The following GAS7 variants were observed in gnomAD, a reference collection of about 807,000 sequenced individuals.
GAS7 encodes the protein growth arrest-specific protein 7.
A neutral mutation model predicts 71.1 loss-of-function variants in GAS7; 28 were observed. The observed-to-expected ratio is 0.39, with a 90% CI of 0.29 to 0.54. The LOEUF (loss-of-function observed/expected upper bound fraction) is 0.54, where lower values mean the gene tolerates loss of function less well. GAS7 is among the 20% of genes least tolerant of loss of function. The pLI is 0.62. For missense variants in GAS7, 436 were observed against 627.8 expected (o/e 0.69, Z 3.27); for synonymous variants, 258 against 245.8 (o/e 1.05, Z -0.46).
intron 1 of GAS7, among the ~76,000 whole-genome samples, chr17:10,060,171 C>T (rs1046484392): frequency 5.3e-5 from 8 of 152,298 alleles, no homozygotes; most frequent in Middle Eastern, 6.8e-3. Context: ...CTTAAAGCGC[C>T]GAGGAGAAGC....
chr17:10,146,617 C>G (rs1464876248), intron 1 of GAS7, among the ~76,000 whole-genome samples: 1 of 152,190 alleles, frequency 6.6e-6, no homozygotes, highest in African/African-American at 2.4e-5. Flanking sequence ...CTGTGATGCT[C>G]TCTCAGCTTG....
Position 10,121,987 on chromosome 17 carries a change from C to T in GAS7, c.183+76221G>A, listed in dbSNP as rs1233892669. Among the ~76,000 whole-genome samples, 4 of 152,300 alleles carry T rather than the reference C, an allele frequency of 2.6e-5. No homozygotes were observed. In the East Asian group the frequency reaches 5.8e-4, roughly 22 times the overall value. ...CTGGAACCTCCAAAAACACGTGCCT[C>T]GCCTCCAACAAAGGCACTGAGGCAC... On this transcript the variant is annotated intron_variant, in intron 1 of 13. Transcript: ENST00000432992.
intron 2 of GAS7, among the ~76,000 whole-genome samples, chr17:10,017,243 G>T (rs2072071006): frequency 6.6e-6 from 1 of 152,038 alleles, no homozygotes; most frequent in African/African-American, 2.4e-5. Flanking sequence ...GCAGGGACCA[G>T]CAGCTATGGT....
intron 1 of GAS7, among the ~76,000 whole-genome samples, chr17:10,071,047 T>C (rs1409346007): frequency 6.6e-6 from 1 of 151,990 alleles, no homozygotes; most frequent in Non-Finnish European, 1.5e-5. Context: ...GCCTGGCATC[T>C]GGAACACCTG....
chr17:10,104,132 A>T (rs2073735431), intron 1 of GAS7, among the ~76,000 whole-genome samples: 1 of 152,058 alleles, frequency 6.6e-6, no homozygotes, highest in South Asian at 2.1e-4. Flanking sequence ...GCCTGTAGTC[A>T]CGGCTTCGAA....
intron 1 of GAS7, among the ~76,000 whole-genome samples, chr17:10,046,745 A>AG: frequency 8.0e-6 from 1 of 125,784 alleles, no homozygotes; most frequent in East Asian, 2.3e-4. Flanking sequence ...CAAAAAAAAA[A>AG]AAAGAAAAGA....
intron 7 of GAS7, among the ~76,000 whole-genome samples, chr17:9,941,646 T>C (rs1168655301): frequency 6.6e-6 from 1 of 152,250 alleles, no homozygotes; most frequent in African/African-American, 2.4e-5. Context: ...TTCCAATTAT[T>C]TGCTAACAAG....
intron 2 of GAS7, among the ~76,000 whole-genome samples, chr17:9,984,547 C>A (rs912654209): frequency 6.6e-6 from 1 of 152,156 alleles, no homozygotes. Flanking sequence ...CTCCAAGGGA[C>A]CCACTGGCTG....
chr17:10,195,777 TC>T (rs1188125786), intron 1 of GAS7, among the ~76,000 whole-genome samples: 6 of 152,046 alleles, frequency 3.9e-5, no homozygotes, highest in Admixed American at 3.9e-4. Context: ...ACTCACCCCA[TC>T]CCAAGCAACT....
chr17:10,147,143 C>CG (rs1368948458), intron 1 of GAS7, among the ~76,000 whole-genome samples: 8 of 152,026 alleles, frequency 5.3e-5, no homozygotes, highest in Non-Finnish European at 1.0e-4. Flanking sequence ...CATGGTTTGC[C>CG]ATTTTTTTTA....
intron 2 of GAS7, among the ~76,000 whole-genome samples, chr17:9,996,628 T>C (rs899440777): frequency 6.6e-6 from 1 of 150,752 alleles, no homozygotes; most frequent in Admixed American, 6.6e-5. Context: ...CACACATATA[T>C]ATATATTTTT....
chr17:10,082,826 T>C (rs2073472698), intron 1 of GAS7, among the ~76,000 whole-genome samples: 1 of 152,190 alleles, frequency 6.6e-6, no homozygotes, highest in Admixed American at 6.5e-5. Context: ...GGGTGAACCA[T>C]TGGTACAACA....
intron 9 of GAS7, among the ~76,000 whole-genome samples, chr17:9,928,189 T>C (rs1470391173): frequency 6.6e-6 from 1 of 151,974 alleles, no homozygotes; most frequent in Admixed American, 6.5e-5. Context: ...CTCGGCTCAC[T>C]GCAAGCCTCG....
intron 1 of GAS7, among the ~76,000 whole-genome samples, chr17:10,107,546 G>A (rs996469567): frequency 9.0e-6 from 1 of 111,002 alleles, no homozygotes; most frequent in African/African-American, 3.6e-5. Context: ...CCAGTGGCAG[G>A]CTGAGCAGGG....
chr17:9,999,250 G>A (rs1007762238), intron 2 of GAS7, among the ~76,000 whole-genome samples: 4 of 152,164 alleles, frequency 2.6e-5, no homozygotes, highest in African/African-American at 9.7e-5. Flanking sequence ...AGGTACGGTG[G>A]CTCATGCTTG....
intron 1 of GAS7, among the ~76,000 whole-genome samples, chr17:10,110,101 C>A (rs1397676249): frequency 6.7e-6 from 1 of 149,742 alleles, no homozygotes; most frequent in African/African-American, 2.5e-5. Flanking sequence ...TGTACTCACA[C>A]GTTTACTGCA....
At chr17:10,049,591 C>T (rs1344490740) in intron 1 of GAS7, among the ~76,000 whole-genome samples, 4 of 134,174 alleles carry the variant, frequency 3.0e-5, no homozygotes, top group African/African-American at 5.4e-5. Flanking sequence ...ATTTTTAAAA[C>T]GTGTTTTGAA....
intron 3 of GAS7, among the ~76,000 whole-genome samples, chr17:9,973,711 C>G (rs897243015): frequency 6.6e-6 from 1 of 152,128 alleles, no homozygotes; most frequent in East Asian, 1.9e-4. Flanking sequence ...AGGCACTGCA[C>G]CCAGATGGTT....
intron 10 of GAS7, 75 bp from the exon 11 acceptor site, chr17:9,925,674 T>G (rs778403929): frequency 1.9e-6 from 3 of 1,552,448 alleles, no homozygotes; most frequent in African/African-American, 2.7e-5. Flanking sequence ...GCAGCCCAGC[T>G]TCCCTTTGGA....
Sources: gnomAD v4.1 joint callset for allele counts (sites outside exome capture counted in the v4.1 genomes callset) on GRCh38, gnomAD v4.1.1 for gene constraint, MANE v1.5 for transcripts, NCBI Gene and HGNC (gene_info 2026-07-23, HGNC 2026-07-21) for gene names.